CLVS1: variants seen among roughly 807,000 people sequenced by gnomAD.
CLVS1 encodes the protein clavesin-1.
A neutral mutation model predicts 33.1 loss-of-function variants in CLVS1; 10 were observed. The ratio of observed to expected loss-of-function variants is 0.30; its 90% CI spans 0.19 to 0.51. The LOEUF (loss-of-function observed/expected upper bound fraction) is 0.51. Ranked by LOEUF, CLVS1 falls within the 20% of genes least tolerant of loss-of-function variation. The pLI is 0.97. For missense variants in CLVS1, 343 were observed against 433.4 expected (o/e 0.79, Z 1.85); for synonymous variants, 163 against 166.1 (o/e 0.98, Z 0.14).
chr8:61,418,678 T>A (rs767821770), intron 3 of CLVS1, among the ~76,000 whole-genome samples: 1 of 152,204 alleles, frequency 6.6e-6, no homozygotes, highest in Non-Finnish European at 1.5e-5. Context: ...GAAATGAGAC[T>A]CATGAAAGAG....
chr8:61,072,259 G>T (rs7837445), intron 1 of CLVS1, among the ~76,000 whole-genome samples: 1 of 151,946 alleles, frequency 6.6e-6, no homozygotes, highest in Non-Finnish European at 1.5e-5. Context: ...CCACTTCCCC[G>T]CTCTGTGGCA....
intron 3 of CLVS1, among the ~76,000 whole-genome samples, chr8:61,431,797 A>C (rs1816124666): frequency 6.6e-6 from 1 of 152,224 alleles, no homozygotes. Flanking sequence ...TATAGGTTAC[A>C]TAAAGCAATG....
At chr8:61,078,282 G>T (rs1387710713) in intron 1 of CLVS1, among the ~76,000 whole-genome samples, 2 of 152,216 alleles carry the variant, frequency 1.3e-5, no homozygotes, top group African/African-American at 2.4e-5. Context: ...GGAATTGCCC[G>T]CTTGTGTGAT....
chr8:61,460,438 A>G (rs1817331583), intron 5 of CLVS1, among the ~76,000 whole-genome samples: 1 of 152,206 alleles, frequency 6.6e-6, no homozygotes, highest in Non-Finnish European at 1.5e-5. Context: ...TCTTTTTTAC[A>G]TTAGATGAAC....
At position 61,382,772 on chromosome 8, in the gene CLVS1, C is replaced by G. The variant is rs144214293; in HGVS notation, c.630+5993C>G. On this transcript the variant is annotated intron_variant, in intron 3 of 5. Coordinates refer to ENST00000325897, the MANE Select transcript of CLVS1 (RefSeq NM_173519.3). Reference sequence around the variant, plus strand: ...ACACTTCCAGGAGATGCTGCTGCTGCTGGTACAAACCACACTTTGGTGTGG... The same window carrying G: ...ACACTTCCAGGAGATGCTGCTGCTGGTGGTACAAACCACACTTTGGTGTGG... 7.0e-3 allele frequency among the ~76,000 whole-genome samples: 1,062 copies of G among 152,260 alleles called. 5 individuals are homozygous for G. The highest frequency in any genetic ancestry group is 0.024 in the African/African-American group (993 of 41,532).
intron 1 of CLVS1, among the ~76,000 whole-genome samples, chr8:61,291,715 T>A (rs1317092162): frequency 6.6e-6 from 1 of 152,166 alleles, no homozygotes; most frequent in African/African-American, 2.4e-5. Context: ...CCTGCCTTCC[T>A]CTCTTCCTTC....
intron 2 of CLVS1, among the ~76,000 whole-genome samples, chr8:61,331,950 A>T (rs1245460644): frequency 6.6e-6 from 1 of 151,604 alleles, no homozygotes; most frequent in African/African-American, 2.4e-5. Context: ...CATCCCTTGG[A>T]TGGGGTGCAC....
chr8:61,129,665 T>G (rs1585631179), intron 1 of CLVS1, among the ~76,000 whole-genome samples: 2 of 152,280 alleles, frequency 1.3e-5, no homozygotes, highest in East Asian at 3.9e-4. Context: ...GCTGTGTCCT[T>G]GCATGGTGGA....
At chr8:61,168,615 C>A (rs139965672) in intron 2 of CLVS1, among the ~76,000 whole-genome samples, 3 of 152,198 alleles carry the variant, frequency 2.0e-5, no homozygotes, top group Admixed American at 6.5e-5. Context: ...TTTCTTCCAA[C>A]GTCTGGCTGC....
intron 2 of CLVS1, among the ~76,000 whole-genome samples, chr8:61,132,272 G>A (rs1029635670): frequency 4.6e-5 from 7 of 152,358 alleles, no homozygotes; most frequent in South Asian, 2.1e-4. Context: ...AGGCTGAGCC[G>A]GGATCAGCTG....
In CLVS1 at chr8:61,498,404, G is replaced by A. The variant is rs551229254; in HGVS notation, c.978-1051G>A. Among the ~76,000 whole-genome samples, 24 of 152,288 alleles carry A rather than the reference G, an allele frequency of 1.6e-4. No homozygotes were observed. In the South Asian group the frequency reaches 2.9e-3, roughly 18 times the overall value. On this transcript the variant is annotated intron_variant, in intron 5 of 5. Coordinates refer to ENST00000325897, the MANE Select transcript of CLVS1 (RefSeq NM_173519.3). ...AGGGTTTGGGCACCCCAGGTCTACC[G>A]AGTTAACAATTTACTGCACATATAT...
the CLVS1 span, among the ~76,000 whole-genome samples, chr8:61,038,332 C>A: frequency 6.6e-6 from 1 of 151,848 alleles, no homozygotes; most frequent in African/African-American, 2.4e-5. Flanking sequence ...TGGTGTTTCC[C>A]ATATGAGAGG....
chr8:61,225,639 T>C (rs1183998121), intron 2 of CLVS1, among the ~76,000 whole-genome samples: 2 of 152,212 alleles, frequency 1.3e-5, no homozygotes, highest in Non-Finnish European at 2.9e-5. Context: ...GTATGATACT[T>C]GAATAAGAAG....
intron 2 of CLVS1, among the ~76,000 whole-genome samples, chr8:61,260,007 G>A (rs112369323): frequency 6.6e-6 from 1 of 152,248 alleles, no homozygotes; most frequent in African/African-American, 2.4e-5. Flanking sequence ...CTTCACACGT[G>A]TTGCCTCTGC....
chr8:61,082,999 AG>A (rs35599174), intron 1 of CLVS1, among the ~76,000 whole-genome samples: 5 of 70,360 alleles, frequency 7.1e-5, no homozygotes, highest in African/African-American at 2.4e-4. Flanking sequence ...ATAAAAAAAA[AG>A]AAGAAGAAAT....
Position 61,082,990 on chromosome 8 carries a change from T to TAA in CLVS1, c.-243+25768_-243+25769dup, listed in dbSNP as rs72005369. On this transcript the variant is annotated intron_variant, in intron 1 of 2. Transcript: ENST00000522621. ...ACAGAGAAAGACCCTGTCTTAAACA[T>TAA]AAAAAAAAAGAAGAAGAAATAAAGA... Among the ~76,000 whole-genome samples the TAA allele has an allele frequency of 1.2e-3, 167 of 135,912 alleles. 1 individual carries two copies. The highest frequency in any genetic ancestry group is 4.1e-3 in the East Asian group (14 of 3,430). The allele number at this position is 135,912 out of a possible 152,430, so 89.2% of individuals were successfully genotyped here.
chr8:61,063,695 A>G (rs1176397744), intron 1 of CLVS1, among the ~76,000 whole-genome samples: 12 of 152,202 alleles, frequency 7.9e-5, no homozygotes, highest in Non-Finnish European at 1.6e-4. Flanking sequence ...AACGTTCTCA[A>G]GCTTTATTTT....
intron 3 of CLVS1, among the ~76,000 whole-genome samples, chr8:61,451,666 T>G (rs1315835882): frequency 6.6e-6 from 1 of 152,098 alleles, no homozygotes; most frequent in Non-Finnish European, 1.5e-5. Flanking sequence ...GAGACTTTTG[T>G]GTGACTGACA....
At chr8:61,416,301 G>C (rs927196237) in intron 3 of CLVS1, among the ~76,000 whole-genome samples, 21 of 137,210 alleles carry the variant, frequency 1.5e-4, no homozygotes, top group East Asian at 6.0e-4. Context: ...TAGCTAGCTA[G>C]CTAGATACAT....
Sources: allele counts gnomAD v4.1 joint callset (sites outside exome capture counted in the v4.1 genomes callset), GRCh38; gene constraint gnomAD v4.1.1; transcripts MANE v1.5; gene names NCBI Gene and HGNC (gene_info 2026-07-23, HGNC 2026-07-21).